Variants in TPD52 observed in about 807,000 individuals in gnomAD.
The protein encoded by TPD52 is prostate and colon associated protein.
TPD52 carries 17 observed loss-of-function variants against 31.3 expected under a neutral mutation model. That is an observed-to-expected ratio of 0.54 (90% CI 0.37 to 0.82). The LOEUF (loss-of-function observed/expected upper bound fraction) is 0.82. Ranked by LOEUF, TPD52 falls within the 40% of genes least tolerant of loss-of-function variation. The pLI, the probability that TPD52 is intolerant of heterozygous loss-of-function variation, is 0.00. For missense variants in TPD52, 212 were observed against 240.1 expected, an observed-to-expected ratio of 0.88 and a Z score of 0.77; for synonymous variants, 83 against 89.6, an observed-to-expected ratio of 0.93 and a Z score of 0.42.
intron 1 of TPD52, among the ~76,000 whole-genome samples, chr8:80,107,177 T>C (rs1027322144): frequency 6.6e-6 from 1 of 152,178 alleles, no homozygotes; most frequent in Non-Finnish European, 1.5e-5. Flanking sequence ...AAGCCATTCC[T>C]AAAGTGTTTC....
At chr8:80,094,089 T>A (rs908577293) in intron 1 of TPD52, among the ~76,000 whole-genome samples, 1 of 152,112 alleles carries the variant, frequency 6.6e-6, no homozygotes, top group Non-Finnish European at 1.5e-5. Context: ...CAAACAGGTA[T>A]TTATCAAAAT....
intron 1 of TPD52, among the ~76,000 whole-genome samples, chr8:80,148,179 G>T (rs1487323555): frequency 6.6e-6 from 1 of 150,978 alleles, no homozygotes; most frequent in Non-Finnish European, 1.5e-5. Flanking sequence ...TTGAGACAAG[G>T]TCTCATTTTG....
At chr8:80,087,141 T>C (rs947551516) in intron 1 of TPD52, among the ~76,000 whole-genome samples, 3 of 152,092 alleles carry the variant, frequency 2.0e-5, no homozygotes, top group South Asian at 2.1e-4. Flanking sequence ...TGTCCTTTTT[T>C]TTTCCCCCCA....
chr8:80,125,390 C>T (rs1027893302), intron 1 of TPD52, among the ~76,000 whole-genome samples: 2 of 152,126 alleles, frequency 1.3e-5, no homozygotes, highest in African/African-American at 4.8e-5. Context: ...TGAACTCCAG[C>T]CTGAGTGACA....
At chr8:80,147,272 GA>G (rs1810259399) in intron 1 of TPD52, among the ~76,000 whole-genome samples, 1 of 152,130 alleles carries the variant, frequency 6.6e-6, no homozygotes, top group Non-Finnish European at 1.5e-5. Context: ...GGAGCCTGGG[GA>G]AATGGTTAAC....
chr8:80,093,177 T>TAAC (rs773311000), intron 1 of TPD52, among the ~76,000 whole-genome samples: 1 of 151,886 alleles, frequency 6.6e-6, no homozygotes, highest in Admixed American at 6.6e-5. Context: ...GACTCTGGAA[T>TAAC]AATAATAATA....
At chr8:80,129,052 T>A (rs1808835017) in intron 1 of TPD52, among the ~76,000 whole-genome samples, 1 of 152,152 alleles carries the variant, frequency 6.6e-6, no homozygotes, top group South Asian at 2.1e-4. Context: ...TTGATTGACA[T>A]AGTCATTCAC....
chr8:80,147,401 T>A (rs759061701), intron 1 of TPD52, among the ~76,000 whole-genome samples: 4 of 152,004 alleles, frequency 2.6e-5, no homozygotes, highest in Non-Finnish European at 5.9e-5. Flanking sequence ...CCACGTCCAA[T>A]CAGAATTTTA....
intron 1 of TPD52, among the ~76,000 whole-genome samples, chr8:80,131,049 G>T (rs1329879563): frequency 6.6e-6 from 1 of 152,132 alleles, no homozygotes; most frequent in Non-Finnish European, 1.5e-5. Context: ...TGTGGGTGGG[G>T]TGAGGGGTAG....
chr8:80,042,557 C>G, intron 7 of TPD52, 63 bp downstream of exon 7: 2 of 1,555,060 alleles, frequency 1.3e-6, no homozygotes, highest in Non-Finnish European at 1.7e-6. Context: ...GATTTTCGCA[C>G]AGCAAAGTTA....
Position 80,120,193 on chromosome 8 carries a change from T to TA in TPD52, c.19+51231dup, listed in dbSNP as rs946963350. Reference sequence around the variant, plus strand: ...AAAATTGGAATTAAATGAATATTTCTAAAAAAAAATAATAGGCTGGACGCG... The same window carrying TA: ...AAAATTGGAATTAAATGAATATTTCTAAAAAAAAAATAATAGGCTGGACGCG... On this transcript the variant is annotated intron_variant, in intron 1 of 7. Transcript: ENST00000518937. 2.8e-4 allele frequency among the ~76,000 whole-genome samples: 42 copies of TA among 151,524 alleles called. 1 individual carries two copies. Among genetic ancestry groups the TA allele is most frequent in the African/African-American group, 4.6e-4 (19 of 41,354 alleles).
rs542349914 is a variant in TPD52, at chr8:80,168,753, T to C, written c.19+2672A>G. On this transcript the variant is annotated intron_variant, in intron 1 of 7. Transcript: ENST00000518937. ...CAGCAACTCTCTGGCTAAGTTCTGC[T>C]TCTTGAGAATAGACAGGGAAAACAG... 5.6e-4 allele frequency among the ~76,000 whole-genome samples: 86 copies of C among 152,222 alleles called. 1 individual carries two copies. Among genetic ancestry groups the C allele is most frequent in the Admixed American group, 1.2e-3 (19 of 15,282 alleles).
chr8:80,162,728 A>T lies in TPD52; in HGVS notation c.19+8697T>A, dbSNP rs552886314. 2.6e-4 allele frequency among the ~76,000 whole-genome samples: 40 copies of T among 152,304 alleles called. No homozygotes were observed. The South Asian group carries it at 8.3e-3, about 32-fold the overall frequency. On this transcript the variant is annotated intron_variant, in intron 1 of 7. Transcript: ENST00000518937. ...TAAAGGGTTAATATCCAGAACATAT[A>T]TATAAAAAAGTCGTACAACTCAACA...
At position 80,040,184 on chromosome 8, in the gene TPD52, C is replaced by CT. The variant is rs1563557956; in HGVS notation, c.505-1950_505-1949insA. 4.3e-3 allele frequency among the ~76,000 whole-genome samples: 574 copies of CT among 132,398 alleles called. 22 individuals are homozygous for CT. Among genetic ancestry groups the CT allele is most frequent in the African/African-American group, 0.017 (551 of 32,406 alleles). 86.9% of individuals were successfully genotyped at this position (132,398 alleles called of 152,430 possible). A position where few individuals can be genotyped will look rare whatever the true frequency, so the allele number is the denominator to read the frequency against. ...TTGGGGTATCTGTTTAATACGCTAT[C>CT]CTTTTTTTTTTTTTTTTTTTTTTTT... On this transcript the variant is annotated intron_variant, in intron 7 of 7. Coordinates refer to ENST00000518937, the MANE Select transcript of TPD52 (RefSeq NM_001025253.3).
intron 1 of TPD52, among the ~76,000 whole-genome samples, chr8:80,123,861 A>C (rs977975702): frequency 1.3e-5 from 2 of 152,170 alleles, no homozygotes; most frequent in African/African-American, 4.8e-5. Context: ...CAACATCTGG[A>C]AAGATTTGGA....
chr8:80,096,947 C>T (rs1312128375), intron 1 of TPD52, among the ~76,000 whole-genome samples: 1 of 152,200 alleles, frequency 6.6e-6, no homozygotes, highest in African/African-American at 2.4e-5. Context: ...GCGAGAAAGG[C>T]ATGTCAATAG....
intron 1 of TPD52, among the ~76,000 whole-genome samples, chr8:80,082,417 T>C (rs1379893355): frequency 2.0e-5 from 3 of 152,136 alleles, no homozygotes; most frequent in Non-Finnish European, 2.9e-5. Context: ...GTAGAAAAAG[T>C]ATTTGTCCAT....
At chr8:80,076,650 A>C (rs1353994568) in intron 1 of TPD52, among the ~76,000 whole-genome samples, 2 of 151,354 alleles carry the variant, frequency 1.3e-5, no homozygotes, top group Admixed American at 1.3e-4. Context: ...CTGTACATGC[A>C]CCCCTGAACC....
chr8:80,064,968 G>A, intron 1 of TPD52: 1 of 392,656 alleles, frequency 2.5e-6, no homozygotes, highest in South Asian at 1.9e-5. Context: ...CTCCTTCCCA[G>A]TAACCCAGGG....
Sources: allele counts gnomAD v4.1 joint callset (sites outside exome capture counted in the v4.1 genomes callset), GRCh38; gene constraint gnomAD v4.1.1; transcripts MANE v1.5; gene names NCBI Gene and HGNC (gene_info 2026-07-23, HGNC 2026-07-21).